DLG2: variants seen among roughly 807,000 people sequenced by gnomAD.
DLG2 encodes discs large MAGUK scaffold protein 2.
DLG2 carries 45 observed loss-of-function variants against 132.5 expected under a neutral mutation model. The ratio of observed to expected loss-of-function variants is 0.34; its 90% confidence interval spans 0.27 to 0.44. The LOEUF (loss-of-function observed/expected upper bound fraction) is 0.44, where lower values mean the gene tolerates loss of function less well. Among genes scored for constraint, DLG2 ranks in the 20% least tolerant of loss-of-function variants. The pLI is 1.00. For synonymous variants in DLG2, 424 were observed against 419.6 expected, an observed-to-expected ratio of 1.01 and a Z score of -0.13; for missense variants, 1,045 against 1,196.9, an observed-to-expected ratio of 0.87 and a Z score of 1.87.
At chr11:83,743,960 AG>A (rs540555901) in intron 18 of DLG2, among the ~76,000 whole-genome samples, 99 of 152,256 alleles carry the variant, frequency 6.5e-4, no homozygotes, top group African/African-American at 2.3e-3. Flanking sequence ...CTGACTACAG[AG>A]GCTGGAAAAT....
At chr11:84,430,927 C>T (rs1195459673) in intron 7 of DLG2, among the ~76,000 whole-genome samples, 1 of 152,134 alleles carries the variant, frequency 6.6e-6, no homozygotes, top group African/African-American at 2.4e-5. Flanking sequence ...CTTTGAGAGA[C>T]TCACAAGCCT....
intron 18 of DLG2, among the ~76,000 whole-genome samples, chr11:83,672,890 T>C (rs2077065319): frequency 1.3e-5 from 2 of 152,054 alleles, no homozygotes; most frequent in African/African-American, 4.8e-5. Flanking sequence ...GTGAAACCCG[T>C]CTCTACTAAA....
intron 4 of DLG2, among the ~76,000 whole-genome samples, chr11:85,275,928 A>C (rs2077863158): frequency 6.6e-6 from 1 of 152,136 alleles, no homozygotes; most frequent in Non-Finnish European, 1.5e-5. Flanking sequence ...AAAAATGCTT[A>C]CTGATTCTAG....
At chr11:84,315,346 T>C (rs2098342650) in intron 7 of DLG2, among the ~76,000 whole-genome samples, 2 of 152,188 alleles carry the variant, frequency 1.3e-5, no homozygotes, top group African/African-American at 4.8e-5. Context: ...ATAAAAAGTA[T>C]GTTACATCTT....
At position 84,361,241 on chromosome 11, in the gene DLG2, T is replaced by A. The variant is rs543446426; in HGVS notation, c.520-109950A>T. Among the ~76,000 whole-genome samples the A allele has an allele frequency of 6.6e-5, 10 of 151,848 alleles. No individual in the cohort carries two copies. In the East Asian group the frequency reaches 1.9e-3, roughly 29 times the overall value. On this transcript the variant is annotated intron_variant, in intron 7 of 27. Transcript: ENST00000376104. ...CTATAAATTCACAGATCTAAGAAGC[T>A]CAAAAGCCCCAGTCAGAATGAACAT...
At chr11:83,522,817 T>G (rs1197417512) in intron 21 of DLG2, among the ~76,000 whole-genome samples, 1 of 90,370 alleles carries the variant, frequency 1.1e-5, no homozygotes, top group African/African-American at 4.2e-5. Flanking sequence ...CCCCCCCCCT[T>G]TTTTTTTTAA....
intron 6 of DLG2, among the ~76,000 whole-genome samples, chr11:85,081,525 C>A (rs2154171876): frequency 6.6e-6 from 1 of 152,238 alleles, no homozygotes; most frequent in South Asian, 2.1e-4. Flanking sequence ...TTCCTCAAAG[C>A]CAGTCATAAA....
intron 4 of DLG2, among the ~76,000 whole-genome samples, chr11:85,199,942 CT>C (rs749722409): frequency 0.016 from 2,315 of 140,536 alleles, 36 homozygotes; most frequent in African/African-American, 0.043. Context: ...CCAGGAATTA[CT>C]TTTTTTTTTT....
rs34177526 is a variant in DLG2, at chr11:84,124,847, C to CTTT, written c.625-25803_625-25801dup. On this transcript the variant is annotated intron_variant, in intron 9 of 27. Transcript: ENST00000376104. ...TTTGTTGAGAAATAACTTGTTTTCA[C>CTTT]TTTTTTTTTTTTTTTTTTTTGAGAG... Among the ~76,000 whole-genome samples the CTTT allele has an allele frequency of 9.2e-4, 112 of 121,126 alleles. 1 individual carries two copies. Among genetic ancestry groups the CTTT allele is most frequent in the Non-Finnish European group, 1.2e-3 (76 of 60,960 alleles). 79.5% of individuals were successfully genotyped at this position (121,126 alleles called of 152,430 possible).
chr11:84,797,149 T>C (rs931533398), intron 6 of DLG2, among the ~76,000 whole-genome samples: 2 of 152,136 alleles, frequency 1.3e-5, no homozygotes, highest in African/African-American at 4.8e-5. Context: ...GCCCGGCCTA[T>C]GATTTTTTAT....
In DLG2 at chr11:84,409,140, G is replaced by A. The variant is rs191620663; in HGVS notation, c.519+125430C>T. Among the ~76,000 whole-genome samples, 4 of 152,180 alleles carry A rather than the reference G, an allele frequency of 2.6e-5. No individual in the cohort carries two copies. In the East Asian group the frequency reaches 5.8e-4, roughly 22 times the overall value. On this transcript the variant is annotated intron_variant, in intron 7 of 27. Transcript: ENST00000376104. ...TCCTTGCACTTCCCCCCAAGAAAGC[G>A]CTCCTCTTTTATATCACCATGATTC...
intron 7 of DLG2, among the ~76,000 whole-genome samples, chr11:84,444,994 G>C (rs1019316284): frequency 6.6e-6 from 1 of 151,962 alleles, no homozygotes; most frequent in Non-Finnish European, 1.5e-5. Context: ...GTAGAGACAG[G>C]GTTCCATTAT....
intron 4 of DLG2, among the ~76,000 whole-genome samples, chr11:85,210,209 C>A (rs1269137372): frequency 6.6e-6 from 1 of 152,042 alleles, no homozygotes; most frequent in African/African-American, 2.4e-5. Flanking sequence ...ATTCCAAGTA[C>A]CTAGAGTAGT....
intron 3 of DLG2, among the ~76,000 whole-genome samples, chr11:85,427,722 T>G (rs1197157023): frequency 6.6e-6 from 1 of 151,380 alleles, no homozygotes. Flanking sequence ...CATCAACTAA[T>G]GAGCAAAATA....
At chr11:84,941,819 A>G (rs1480308187) in intron 6 of DLG2, among the ~76,000 whole-genome samples, 1 of 151,840 alleles carries the variant, frequency 6.6e-6, no homozygotes, top group African/African-American at 2.4e-5. Flanking sequence ...TAAGACTGGT[A>G]TCAATTCTTT....
intron 8 of DLG2, among the ~76,000 whole-genome samples, chr11:84,231,807 A>C (rs999504719): frequency 6.6e-6 from 1 of 152,160 alleles, no homozygotes; most frequent in Non-Finnish European, 1.5e-5. Context: ...GGAAAATCAA[A>C]ATCAGAGAGA....
At chr11:83,704,796 C>T (rs1426664310) in intron 18 of DLG2, among the ~76,000 whole-genome samples, 1 of 152,124 alleles carries the variant, frequency 6.6e-6, no homozygotes, top group Non-Finnish European at 1.5e-5. Context: ...CACTGCACTC[C>T]AGCCTGGGCG....
chr11:84,535,288 C>G (rs937829751), intron 6 of DLG2, among the ~76,000 whole-genome samples: 2 of 152,110 alleles, frequency 1.3e-5, no homozygotes, highest in South Asian at 4.1e-4. Context: ...TTACTTCACC[C>G]GCTAGGAGAA....
At position 84,413,829 on chromosome 11, in the gene DLG2, A is replaced by AT. The variant is rs886302481; in HGVS notation, c.519+120740dup. On this transcript the variant is annotated intron_variant, in intron 7 of 27. Transcript: ENST00000376104. ...CTCCCTGACAGATATGGTAATGCAG[A>AT]TTTTTTTTTCTTCAGTATAATTATC... 2.1e-4 allele frequency among the ~76,000 whole-genome samples: 32 copies of AT among 151,820 alleles called. No individual in the cohort carries two copies. The East Asian group carries it at 2.1e-3, about 10-fold the overall frequency.
Sources: allele counts gnomAD v4.1 joint callset (sites outside exome capture counted in the v4.1 genomes callset), GRCh38; gene constraint gnomAD v4.1.1; transcripts MANE v1.5; gene names NCBI Gene and HGNC (gene_info 2026-07-23, HGNC 2026-07-21).